CDH12: variants seen among roughly 807,000 people sequenced by gnomAD.
CDH12 encodes cadherin-12.
CDH12 carries 41 observed loss-of-function variants against 74.1 expected under a neutral mutation model. The observed-to-expected ratio is 0.55, with a 90% CI of 0.43 to 0.72. CDH12 has a LOEUF of 0.72. Among genes scored for constraint, CDH12 ranks in the 30% least tolerant of loss-of-function variants. CDH12 has a pLI of 0.00. For missense variants in CDH12, 945 were observed against 977.2 expected (o/e 0.97, Z 0.44); for synonymous variants, 399 against 355.0 (o/e 1.12, Z -1.39).
At chr5:22,384,030 A>G (rs1279350613) in intron 3 of CDH12, among the ~76,000 whole-genome samples, 1 of 152,036 alleles carries the variant, frequency 6.6e-6, no homozygotes, top group African/African-American at 2.4e-5. Flanking sequence ...GTTTTGCTAG[A>G]TTTAAGCTTT....
intron 3 of CDH12, among the ~76,000 whole-genome samples, chr5:22,232,384 A>C (rs542034560): frequency 4.7e-4 from 72 of 151,994 alleles, no homozygotes; most frequent in Non-Finnish European, 8.6e-4. Flanking sequence ...TGCCTTCTAA[A>C]AATAATGTTA....
chr5:22,805,995 G>A (rs967843319), intron 1 of CDH12, among the ~76,000 whole-genome samples: 41 of 152,056 alleles, frequency 2.7e-4, no homozygotes, highest in Non-Finnish European at 1.5e-5. Context: ...AACTCATCCC[G>A]TTTTATGGCT....
At chr5:21,814,115 A>G (rs1747905079) in intron 9 of CDH12, among the ~76,000 whole-genome samples, 2 of 150,730 alleles carry the variant, frequency 1.3e-5, no homozygotes, top group Non-Finnish European at 2.9e-5. Context: ...AATGGACAAC[A>G]ATGATTCATC....
chr5:22,319,886 G>T (rs761923716), intron 3 of CDH12, among the ~76,000 whole-genome samples: 12 of 151,736 alleles, frequency 7.9e-5, no homozygotes, highest in South Asian at 6.2e-4. Context: ...GGAGAAGGAA[G>T]AATAAAAGGA....
intron 4 of CDH12, among the ~76,000 whole-genome samples, chr5:22,145,624 G>A (rs543023610): frequency 6.6e-6 from 1 of 152,176 alleles, no homozygotes; most frequent in Admixed American, 6.6e-5. Context: ...TGGGTATATA[G>A]AAAGGAAGAA....
intron 1 of CDH12, among the ~76,000 whole-genome samples, chr5:22,620,642 C>G (rs957757651): frequency 6.6e-6 from 1 of 151,754 alleles, no homozygotes; most frequent in Non-Finnish European, 1.5e-5. Flanking sequence ...CTGTATATGC[C>G]CAGTAGATCA....
intron 11 of CDH12, among the ~76,000 whole-genome samples, chr5:21,776,859 G>T (rs1745617783): frequency 6.6e-6 from 1 of 152,146 alleles, no homozygotes; most frequent in South Asian, 2.1e-4. Flanking sequence ...AGCACAAGGT[G>T]AAAAACACAT....
chr5:22,737,179 G>A (rs1011314783), intron 1 of CDH12, among the ~76,000 whole-genome samples: 3 of 151,738 alleles, frequency 2.0e-5, no homozygotes, highest in Admixed American at 6.6e-5. Context: ...CTTGTACCAC[G>A]AAATTTTGTG....
chr5:22,436,088 A>G (rs1327409242), intron 2 of CDH12, among the ~76,000 whole-genome samples: 3 of 151,858 alleles, frequency 2.0e-5, no homozygotes, highest in African/African-American at 4.8e-5. Context: ...CTATGCATCC[A>G]TAAAAAACGA....
chr5:22,307,544 G>A lies in CDH12; in HGVS notation c.-332-94901C>T, dbSNP rs111786108. On this transcript the variant is annotated intron_variant, in intron 3 of 14. Transcript: ENST00000382254. Reference sequence around the variant, plus strand: ...TATCATGCCTGACAAATCCTAGGTTGAATAAATATTTGTTAGATATATGAC... The same window carrying A: ...TATCATGCCTGACAAATCCTAGGTTAAATAAATATTTGTTAGATATATGAC... 4.4e-3 allele frequency among the ~76,000 whole-genome samples: 664 copies of A among 152,158 alleles called. 7 individuals carry two copies. The highest frequency in any genetic ancestry group is 0.015 in the African/African-American group (635 of 41,512).
intron 4 of CDH12, among the ~76,000 whole-genome samples, chr5:22,172,053 C>T (rs180672606): frequency 1.3e-5 from 2 of 151,866 alleles, no homozygotes; most frequent in South Asian, 2.1e-4. Flanking sequence ...ATTTAGATGC[C>T]TCCAATTTTT....
At chr5:22,533,422 G>A (rs772690925) in intron 1 of CDH12, among the ~76,000 whole-genome samples, 45 of 152,132 alleles carry the variant, frequency 3.0e-4, no homozygotes, top group Non-Finnish European at 5.6e-4. Context: ...TAGTTTTGAA[G>A]AGCAAAAATT....
chr5:22,196,012 C>A (rs531169417), intron 4 of CDH12, among the ~76,000 whole-genome samples: 3 of 151,952 alleles, frequency 2.0e-5, no homozygotes, highest in African/African-American at 7.3e-5. Flanking sequence ...TAAATAAGAA[C>A]GTTCTACACG....
intron 6 of CDH12, among the ~76,000 whole-genome samples, chr5:21,942,988 G>A (rs1406560785): frequency 6.6e-6 from 1 of 152,112 alleles, no homozygotes; most frequent in Non-Finnish European, 1.5e-5. Context: ...TGGATCATGG[G>A]CACAGTTTCC....
rs142640951 is a variant in CDH12 at position 22,777,520 on chromosome 5, A to G, written c.-523+75538T>C. On this transcript the variant is annotated intron_variant, in intron 1 of 14. Coordinates refer to ENST00000382254, the MANE Select transcript of CDH12 (RefSeq NM_004061.5). ...ATGTGTACTAGTTAAACATGACTTT[A>G]TTAAAATTACTAGGATCCTTGCATT... Among the ~76,000 whole-genome samples, 393 of 152,204 alleles carry G rather than the reference A, an allele frequency of 2.6e-3. 4 individuals carry two copies. The highest frequency in any genetic ancestry group is 9.3e-3 in the African/African-American group (386 of 41,564).
At chr5:22,145,758 A>G (rs539544808) in intron 4 of CDH12, among the ~76,000 whole-genome samples, 96 of 152,240 alleles carry the variant, frequency 6.3e-4, no homozygotes, top group East Asian at 3.3e-3. Flanking sequence ...CGAGACAGAC[A>G]TACAGTAGGG....
intron 1 of CDH12, among the ~76,000 whole-genome samples, chr5:22,512,388 C>T (rs1736649923): frequency 1.3e-5 from 2 of 151,982 alleles, no homozygotes; most frequent in Non-Finnish European, 2.9e-5. Flanking sequence ...GTAAAAAAAG[C>T]ACAGCAATGA....
At chr5:21,808,008 A>T (rs957750419) in intron 9 of CDH12, among the ~76,000 whole-genome samples, 1 of 152,054 alleles carries the variant, frequency 6.6e-6, no homozygotes, top group African/African-American at 2.4e-5. Flanking sequence ...TCATTATAGG[A>T]GATTATGTGG....
At chr5:21,969,200 G>C (rs1756721955) in intron 6 of CDH12, among the ~76,000 whole-genome samples, 1 of 151,944 alleles carries the variant, frequency 6.6e-6, no homozygotes, top group South Asian at 2.1e-4. Context: ...ATCTAGACTT[G>C]ATTTAGATGA....
Sources: gnomAD v4.1 joint callset for allele counts (sites outside exome capture counted in the v4.1 genomes callset) on GRCh38, gnomAD v4.1.1 for gene constraint, MANE v1.5 for transcripts, NCBI Gene and HGNC (gene_info 2026-07-23, HGNC 2026-07-21) for gene names.